Variants in MGAT4C observed in about 807,000 individuals in gnomAD.
The protein encoded by MGAT4C is alpha-1,3-mannosyl-glycoprotein 4-beta-N-acetylglucosaminyltransferase C.
Under a neutral mutation model 40.1 loss-of-function variants are expected in MGAT4C, and 19 were observed. The ratio of observed to expected loss-of-function variants is 0.47; its 90% CI spans 0.33 to 0.70. The LOEUF is 0.70. Ranked by LOEUF, MGAT4C falls within the 30% of genes least tolerant of loss-of-function variation. The pLI, the probability that MGAT4C is intolerant of heterozygous loss-of-function variation, is 0.02. For missense variants in MGAT4C, 491 were observed against 563.2 expected (o/e 0.87, Z 1.30); for synonymous variants, 181 against 187.1 (o/e 0.97, Z 0.27).
chr12:86,813,027 T>C (rs916689744), intron 1 of MGAT4C, among the ~76,000 whole-genome samples: 2 of 152,078 alleles, frequency 1.3e-5, no homozygotes, highest in African/African-American at 2.4e-5. Context: ...CAAGGCTTCT[T>C]CTGTTTTGTG....
chr12:86,603,544 TATAGATA>T (rs199990436), intron 2 of MGAT4C, among the ~76,000 whole-genome samples: 96,515 of 111,212 alleles, frequency 0.87, 42,861 homozygotes, highest in East Asian at 0.96. Context: ...GTCTATAGAC[TATAGATA>T]ATATATAGTC....
At chr12:86,346,232 G>C (rs1955029887) in intron 3 of MGAT4C, among the ~76,000 whole-genome samples, 1 of 151,860 alleles carries the variant, frequency 6.6e-6, no homozygotes, top group African/African-American at 2.4e-5. Context: ...TTTTGTTTTT[G>C]TTTTTGTTTT....
intron 2 of MGAT4C, among the ~76,000 whole-genome samples, chr12:86,637,545 T>C (rs1963257698): frequency 6.6e-6 from 1 of 151,970 alleles, no homozygotes; most frequent in Admixed American, 6.6e-5. Flanking sequence ...CTTAACTTTA[T>C]TTCTGAAGTA....
At chr12:86,229,882 T>G (rs1421410419) in intron 1 of MGAT4C, among the ~76,000 whole-genome samples, 1 of 152,072 alleles carries the variant, frequency 6.6e-6, no homozygotes, top group Non-Finnish European at 1.5e-5. Flanking sequence ...TATGTAGATG[T>G]CCTTTCAGTA....
chr12:86,270,742 TG>T (rs1302191055), intron 4 of MGAT4C, among the ~76,000 whole-genome samples: 1 of 152,194 alleles, frequency 6.6e-6, no homozygotes, highest in East Asian at 1.9e-4. Context: ...AGGACAAAGC[TG>T]AAGGCATCAC....
At chr12:86,488,324 G>A (rs905448611) in intron 2 of MGAT4C, among the ~76,000 whole-genome samples, 1 of 151,514 alleles carries the variant, frequency 6.6e-6, no homozygotes, top group Admixed American at 6.6e-5. Context: ...TACTCCAGGA[G>A]GCTGAGGCAA....
At chr12:86,798,058 T>C (rs544202228) in intron 1 of MGAT4C, among the ~76,000 whole-genome samples, 2 of 152,016 alleles carry the variant, frequency 1.3e-5, no homozygotes, top group Non-Finnish European at 2.9e-5. Context: ...CCAGTTGCTG[T>C]CAAGGTGTAT....
At chr12:86,633,074 A>G (rs1395428053) in intron 2 of MGAT4C, among the ~76,000 whole-genome samples, 1 of 151,782 alleles carries the variant, frequency 6.6e-6, no homozygotes, top group Non-Finnish European at 1.5e-5. Context: ...TGAAGGGATA[A>G]TGTGTATATT....
At chr12:86,195,457 C>T (rs992270574) in intron 1 of MGAT4C, among the ~76,000 whole-genome samples, 1 of 152,010 alleles carries the variant, frequency 6.6e-6, no homozygotes, top group Non-Finnish European at 1.5e-5. Context: ...GAAATAAACT[C>T]TTTCTTGATT....
In MGAT4C at chr12:86,615,286, AAGGC is replaced by A. The variant is rs550920729; in HGVS notation, c.-229+111919_-229+111922del. 2.8e-3 allele frequency among the ~76,000 whole-genome samples: 429 copies of A among 152,164 alleles called. 3 individuals carry two copies. The highest frequency in any genetic ancestry group is 9.9e-3 in the African/African-American group (413 of 41,558). On this transcript the variant is annotated intron_variant, in intron 2 of 7. Transcript: ENST00000548651. ...AACATATCCCAGAACTCTATACTAAAAGGCTATGAAAATATTTGACTGAAAAAAT... is the reference window on the plus strand; with the variant it reads ...AACATATCCCAGAACTCTATACTAAATATGAAAATATTTGACTGAAAAAAT...
At chr12:86,262,530 T>C (rs1952680664) in intron 4 of MGAT4C, among the ~76,000 whole-genome samples, 1 of 152,100 alleles carries the variant, frequency 6.6e-6, no homozygotes. Context: ...TTGTTGCATT[T>C]ATCATTGCAA....
chr12:86,812,799 C>A (rs1211189381), intron 1 of MGAT4C, among the ~76,000 whole-genome samples: 1 of 152,042 alleles, frequency 6.6e-6, no homozygotes, highest in East Asian at 1.9e-4. Flanking sequence ...GTTTTGCCAA[C>A]CTTTACTGGG....
rs180828058 is a variant in MGAT4C, at chr12:86,370,417, C to T, written c.-119-36290G>A. 9.2e-4 allele frequency among the ~76,000 whole-genome samples: 140 copies of T among 152,074 alleles called. 1 individual carries two copies. Among genetic ancestry groups the T allele is most frequent in the African/African-American group, 3.0e-3 (126 of 41,536 alleles). ...GTATATACGATGTATGAGAAAAATA[C>T]AAGCATGTTGATATAGCACTAGTAT... is the stretch of plus-strand genomic sequence containing the variant. On this transcript the variant is annotated intron_variant, in intron 3 of 7. Transcript: ENST00000548651.
intron 4 of MGAT4C, among the ~76,000 whole-genome samples, chr12:86,293,576 A>G (rs1218143795): frequency 2.6e-5 from 4 of 152,184 alleles, no homozygotes; most frequent in African/African-American, 9.7e-5. Context: ...TGTTTTTTAA[A>G]TTTGAGTAAC....
At chr12:86,420,785 A>G (rs888054101) in intron 3 of MGAT4C, among the ~76,000 whole-genome samples, 6 of 148,998 alleles carry the variant, frequency 4.0e-5, no homozygotes, top group Admixed American at 2.0e-4. Context: ...ACATATATAT[A>G]TATATATATA....
intron 1 of MGAT4C, among the ~76,000 whole-genome samples, chr12:86,169,149 C>A (rs1004903009): frequency 3.3e-5 from 5 of 152,126 alleles, no homozygotes; most frequent in African/African-American, 1.2e-4. Context: ...GAGAATGCAT[C>A]ACTTTCTTCT....
upstream of MGAT4C, among the ~76,000 whole-genome samples, chr12:86,257,059 T>C (rs1165906996): frequency 3.3e-5 from 5 of 152,186 alleles, no homozygotes; most frequent in Non-Finnish European, 7.4e-5. Context: ...TACAATAATG[T>C]TAAATATTGG....
chr12:86,353,407 G>A (rs1955223682), intron 3 of MGAT4C, among the ~76,000 whole-genome samples: 1 of 152,072 alleles, frequency 6.6e-6, no homozygotes, highest in South Asian at 2.1e-4. Flanking sequence ...AATCCCATGG[G>A]GTGAGTTCTC....
At chr12:86,717,789 T>C (rs977411845) in intron 2 of MGAT4C, among the ~76,000 whole-genome samples, 5 of 152,152 alleles carry the variant, frequency 3.3e-5, no homozygotes, top group Non-Finnish European at 7.4e-5. Flanking sequence ...TATATATGTA[T>C]GGGTAGCATG....
Sources: allele counts gnomAD v4.1 joint callset (sites outside exome capture counted in the v4.1 genomes callset), GRCh38; gene constraint gnomAD v4.1.1; transcripts MANE v1.5; gene names NCBI Gene and HGNC (gene_info 2026-07-23, HGNC 2026-07-21).